Variants in ATP11C observed in about 807,000 individuals in gnomAD.
The protein encoded by ATP11C is ATPase phospholipid transporting 11C (ATP11C blood group), also known as phospholipid-transporting ATPase IG.
Under a neutral mutation model 97.4 loss-of-function variants are expected in ATP11C, and 36 were observed. That is an observed-to-expected ratio of 0.37 (90% CI 0.28 to 0.49). The LOEUF (loss-of-function observed/expected upper bound fraction) is 0.49, where lower values mean the gene tolerates loss of function less well. Ranked by LOEUF, ATP11C falls within the 20% of genes least tolerant of loss-of-function variation. The pLI is 0.98. For synonymous variants in ATP11C, 275 were observed against 290.9 expected (o/e 0.95, Z 0.56); for missense variants, 730 against 824.6 (o/e 0.89, Z 1.40).
At chrX:139,768,009 C>T (rs944272678) in intron 20 of ATP11C, among the ~76,000 whole-genome samples, 1 of 110,621 alleles carries the variant, frequency 9.0e-6, no homozygotes, top group Non-Finnish European at 1.9e-5. Context: ...AAGCACTCAT[C>T]AGAGAAAAAA....
At position 139,783,259 on chromosome X, in the gene ATP11C, G is replaced by C. The variant is rs148368628; in HGVS notation, c.1675C>G (p.Leu559Val). The change falls in exon 17 of 30, where the codon CTT becomes GTT. Residue 559 changes from leucine to valine, a missense_variant. Transcript: ENST00000682941. Reference sequence around the variant, plus strand: ...GAGTCTGCTCCTTTACAAAAGAGAAGTATGTCTCCTAAAATAAAGAACCAT... The same window carrying C: ...GAGTCTGCTCCTTTACAAAAGAGAACTATGTCTCCTAAAATAAAGAACCAT... Reference protein sequence around the residue: ...VIVKTQEGDILLFCKGADSAV... With the variant: ...VIVKTQEGDIVLFCKGADSAV... 19 of 1,186,106 alleles carry C rather than the reference G, an allele frequency of 1.6e-5. No homozygotes were observed. Among genetic ancestry groups the C allele is most frequent in the Admixed American group, 2.2e-5 (1 of 45,145 alleles).
At chrX:139,745,452 C>A (rs2081660679) in intron 25 of ATP11C, among the ~76,000 whole-genome samples, 1 of 111,618 alleles carries the variant, frequency 9.0e-6, no homozygotes, top group African/African-American at 3.3e-5. Context: ...GTCTGAAGTC[C>A]CAAGAACTCT....
chrX:139,869,610 C>CCTCT (rs1158493556), intron 1 of ATP11C, among the ~76,000 whole-genome samples: 15 of 91,365 alleles, frequency 1.6e-4, no homozygotes, highest in South Asian at 5.5e-4. Context: ...GGCAAAACCC[C>CCTCT]CTCTCTACTA....
intron 1 of ATP11C, among the ~76,000 whole-genome samples, chrX:139,860,616 G>A (rs961768874): frequency 1.8e-5 from 2 of 111,236 alleles, no homozygotes; most frequent in African/African-American, 6.5e-5. Context: ...TCAGAAGTTC[G>A]AGACCAGCCT....
chrX:139,878,085 T>C (rs2084505633), intron 1 of ATP11C, among the ~76,000 whole-genome samples: 1 of 112,119 alleles, frequency 8.9e-6, no homozygotes, highest in Non-Finnish European at 1.9e-5. Flanking sequence ...ACATTTATAG[T>C]CAGACTGCCT....
chrX:139,830,208 C>G (rs911870814), intron 1 of ATP11C, among the ~76,000 whole-genome samples: 1 of 111,623 alleles, frequency 9.0e-6, no homozygotes, highest in African/African-American at 3.3e-5. Flanking sequence ...AATACTGATG[C>G]CTGGTTCTTT....
At chrX:139,818,923 G>A (rs1051986637) in intron 3 of ATP11C, among the ~76,000 whole-genome samples, 1 of 112,100 alleles carries the variant, frequency 8.9e-6, no homozygotes, top group East Asian at 2.8e-4. Context: ...AAATGAATGA[G>A]AGAGAGCAAA....
intron 20 of ATP11C, among the ~76,000 whole-genome samples, chrX:139,767,833 A>G (rs2082169334): frequency 8.9e-6 from 1 of 112,074 alleles, no homozygotes; most frequent in African/African-American, 3.2e-5. Context: ...TTTAAGGAGG[A>G]TATAACTGAT....
chrX:139,836,313 C>T (rs996846649), intron 1 of ATP11C, among the ~76,000 whole-genome samples: 4 of 110,459 alleles, frequency 3.6e-5, no homozygotes, highest in African/African-American at 9.9e-5. Flanking sequence ...GTCAGGAGTT[C>T]GAGACCAGAT....
intron 7 of ATP11C, among the ~76,000 whole-genome samples, chrX:139,800,541 G>A (rs889598186): frequency 4.5e-5 from 5 of 111,773 alleles, no homozygotes; most frequent in African/African-American, 6.5e-5. Context: ...TCACTGGAGC[G>A]CTAATTAAAC....
At chrX:139,735,827 G>C (rs374577252) in intron 28 of ATP11C, among the ~76,000 whole-genome samples, 2 of 110,390 alleles carry the variant, frequency 1.8e-5, no homozygotes, top group African/African-American at 6.6e-5. Context: ...TGCCTCATTT[G>C]CGACTCCTGA....
chrX:139,765,143 G>A (rs1190607257), intron 20 of ATP11C, among the ~76,000 whole-genome samples: 1 of 110,849 alleles, frequency 9.0e-6, no homozygotes, highest in Non-Finnish European at 1.9e-5. Flanking sequence ...AATCATGAAG[G>A]GATTTAGATT....
Position 139,846,723 on chromosome X carries a change from T to C in ATP11C, c.28-19900A>G, listed in dbSNP as rs2083914336. Among the ~76,000 whole-genome samples, 3 of 111,253 alleles carry C rather than the reference T, an allele frequency of 2.7e-5. No individual in the cohort carries two copies. The South Asian group carries it at 1.1e-3, about 42-fold the overall frequency. On this transcript the variant is annotated intron_variant, in intron 1 of 29. Transcript: ENST00000682941. The stretch of plus-strand genomic sequence containing the variant: ...CTACATTTCTAAAATAGCGTGTTCA[T>C]TGTTATAGTTTGTATTTTGACTGAA...
upstream of ATP11C, among the ~76,000 whole-genome samples, chrX:139,934,198 C>A (rs1033787860): frequency 1.8e-5 from 2 of 111,462 alleles, no homozygotes; most frequent in Non-Finnish European, 3.8e-5. Flanking sequence ...GCGGCTCGAA[C>A]GAAAGCTAAA....
chrX:139,863,263 T>C (rs1418637786), intron 1 of ATP11C, among the ~76,000 whole-genome samples: 1 of 112,760 alleles, frequency 8.9e-6, no homozygotes, highest in Non-Finnish European at 1.9e-5. Context: ...CCAGGTGTGG[T>C]GGCTCACACC....
At chrX:139,781,399 G>A (rs1220078426) in intron 18 of ATP11C, among the ~76,000 whole-genome samples, 2 of 112,791 alleles carry the variant, frequency 1.8e-5, no homozygotes, top group East Asian at 2.8e-4. Flanking sequence ...AGGTCAGCCT[G>A]TAAGTTAAAA....
chrX:139,884,862 A>G (rs761673002), intron 1 of ATP11C, among the ~76,000 whole-genome samples: 2 of 112,240 alleles, frequency 1.8e-5, no homozygotes, highest in Admixed American at 9.5e-5. Context: ...TAGGAAATCA[A>G]TAATGATGAT....
intron 1 of ATP11C, among the ~76,000 whole-genome samples, chrX:139,860,410 T>C (rs902576472): frequency 1.8e-5 from 2 of 112,090 alleles, no homozygotes; most frequent in East Asian, 2.8e-4. Flanking sequence ...AAGAATACCC[T>C]TGAAGAAAAG....
In ATP11C at chrX:139,802,246, C is replaced by A; in HGVS notation, c.649G>T (p.Asp217Tyr). 8.4e-7 allele frequency: 1 copy of A among 1,195,924 alleles called. No individual in the cohort carries two copies. The highest frequency in any genetic ancestry group is 1.1e-6 in the Non-Finnish European group (1 of 881,270). Residue 217 changes from aspartate (D) to tyrosine (Y), a missense_variant, in exon 7 of 30, where the codon GAC (aspartate) becomes TAC (tyrosine). By Grantham distance (160) the Asp-to-Tyr change is radical. Transcript: ENST00000682941. ...CCAGGTGATTCTTACTTGTAGAGGT[C>A]AGGTTGAGGCTGTTCACATTCAATT... Reference protein sequence around the residue: ...AAIECEQPQPDLYKFVGRINI... With the variant: ...AAIECEQPQPYLYKFVGRINI...
Sources: gnomAD v4.1 joint callset for allele counts (sites outside exome capture counted in the v4.1 genomes callset) on GRCh38, gnomAD v4.1.1 for gene constraint, MANE v1.5 for transcripts, NCBI Gene and HGNC (gene_info 2026-07-23, HGNC 2026-07-21) for gene names.